PKP4: variants seen among roughly 807,000 people sequenced by gnomAD.
The protein encoded by PKP4 is plakophilin-4.
PKP4 carries 90 observed loss-of-function variants against 145.1 expected under a neutral mutation model. The ratio of observed to expected loss-of-function variants is 0.62; its 90% CI spans 0.52 to 0.74. The LOEUF (loss-of-function observed/expected upper bound fraction) is 0.74. PKP4 is among the 30% of genes least tolerant of loss of function. PKP4 has a pLI of 0.00. For missense variants in PKP4, 1,340 were observed against 1,482.7 expected (o/e 0.90, Z 1.58); for synonymous variants, 563 against 577.2 (o/e 0.98, Z 0.35).
chr2:158,602,595 T>G (rs543538234), intron 3 of PKP4, among the ~76,000 whole-genome samples: 1 of 152,244 alleles, frequency 6.6e-6, no homozygotes, highest in Non-Finnish European at 1.5e-5. Context: ...ATATTTTTGA[T>G]ATGAAGTTCT....
chr2:158,517,720 A>T (rs2042043557), intron 1 of PKP4, among the ~76,000 whole-genome samples: 1 of 151,840 alleles, frequency 6.6e-6, no homozygotes, highest in African/African-American at 2.4e-5. Flanking sequence ...ATTTGAGACC[A>T]ACCCTGGGCA....
At chr2:158,568,862 A>G (rs1389873669) in intron 2 of PKP4, among the ~76,000 whole-genome samples, 1 of 152,044 alleles carries the variant, frequency 6.6e-6, no homozygotes, top group African/African-American at 2.4e-5. Flanking sequence ...AATCCCAACT[A>G]CTCAGGAGGC....
intron 1 of PKP4, among the ~76,000 whole-genome samples, chr2:158,532,107 G>A (rs947713586): frequency 6.6e-6 from 1 of 152,124 alleles, no homozygotes; most frequent in African/African-American, 2.4e-5. Context: ...TGAGGGAATG[G>A]GGTAACAAGT....
intron 1 of PKP4, among the ~76,000 whole-genome samples, chr2:158,529,227 C>G (rs1399852337): frequency 6.6e-6 from 1 of 152,190 alleles, no homozygotes; most frequent in African/African-American, 2.4e-5. Flanking sequence ...AGTAATAATA[C>G]AGGTTAATAC....
chr2:158,661,776 A>C, intron 13 of PKP4: 1 of 219,234 alleles, frequency 4.6e-6, no homozygotes, highest in Admixed American at 5.4e-5. Context: ...TCAGTATTTG[A>C]GTATCTACTG....
intron 2 of PKP4, among the ~76,000 whole-genome samples, chr2:158,561,565 T>C (rs950626303): frequency 6.6e-6 from 1 of 152,236 alleles, no homozygotes; most frequent in African/African-American, 2.4e-5. Flanking sequence ...GTTTTGACCC[T>C]TCAGCTTGAA....
At chr2:158,600,213 T>C (rs1194748810) in intron 3 of PKP4, among the ~76,000 whole-genome samples, 2 of 152,254 alleles carry the variant, frequency 1.3e-5, no homozygotes, top group South Asian at 2.1e-4. Flanking sequence ...GATTTCATTC[T>C]AAATGATTAA....
At chr2:158,674,049 C>T (rs779975892) in intron 19 of PKP4, 49 bp downstream of exon 19, 38 of 987,732 alleles carry the variant, frequency 3.8e-5, no homozygotes, top group Admixed American at 3.4e-4. Flanking sequence ...TGTGACAGAA[C>T]ATTGTTCCCC....
In PKP4 at chr2:158,680,793, G is replaced by T; in HGVS notation, c.*116G>T. 1 of 966,804 alleles carries T rather than the reference G, an allele frequency of 1.0e-6. No homozygotes were observed. Among genetic ancestry groups the T allele is most frequent in the East Asian group, 2.4e-5 (1 of 40,974 alleles). The allele number at this position is 966,804 out of a possible 1,614,324, so 59.9% of individuals were successfully genotyped here. A position where few individuals can be genotyped will look rare whatever the true frequency, so the allele number is the denominator to read the frequency against. On this transcript the variant is annotated 3_prime_UTR_variant, in exon 22 of 22. Coordinates refer to ENST00000389759, the MANE Select transcript of PKP4 (RefSeq NM_003628.6). Reference sequence around the variant, plus strand: ...TGAAAGTGAAGTGGAAGGAATGAATGAAGTGTGTTTTTTTTTTCTTTTTTG... The same window carrying T: ...TGAAAGTGAAGTGGAAGGAATGAATTAAGTGTGTTTTTTTTTTCTTTTTTG...
At chr2:158,459,893 TA>T (rs1373802435) in intron 1 of PKP4, among the ~76,000 whole-genome samples, 3 of 152,236 alleles carry the variant, frequency 2.0e-5, no homozygotes, top group Non-Finnish European at 2.9e-5. Context: ...AAATGCTTTC[TA>T]TTTGTTACAG....
chr2:158,517,540 T>C (rs2042029982), intron 1 of PKP4, among the ~76,000 whole-genome samples: 1 of 152,190 alleles, frequency 6.6e-6, no homozygotes, highest in Non-Finnish European at 1.5e-5. Context: ...CTTTGTACTT[T>C]TACACCTGGT....
intron 1 of PKP4, among the ~76,000 whole-genome samples, chr2:158,476,062 T>A (rs146218353): frequency 6.6e-6 from 1 of 152,218 alleles, no homozygotes; most frequent in African/African-American, 2.4e-5. Flanking sequence ...AGAAACATCC[T>A]TATCTTTTTA....
intron 1 of PKP4, among the ~76,000 whole-genome samples, chr2:158,482,084 C>T (rs1693445244): frequency 6.6e-6 from 1 of 152,184 alleles, no homozygotes; most frequent in Non-Finnish European, 1.5e-5. Flanking sequence ...CCACTAGTCA[C>T]ATGTAGCTAT....
intron 1 of PKP4, among the ~76,000 whole-genome samples, chr2:158,519,904 A>G (rs753906072): frequency 1.3e-5 from 2 of 152,140 alleles, no homozygotes; most frequent in Admixed American, 6.5e-5. Context: ...CATTCCAGGT[A>G]TAACTCTGAA....
At chr2:158,636,370 G>T (rs761472907) in intron 9 of PKP4, among the ~76,000 whole-genome samples, 1 of 151,658 alleles carries the variant, frequency 6.6e-6, no homozygotes, top group Non-Finnish European at 1.5e-5. Context: ...TCAGATCTCC[G>T]TTGTTTCTGT....
At chr2:158,586,544 T>A (rs1350386114) in intron 3 of PKP4, among the ~76,000 whole-genome samples, 2 of 152,242 alleles carry the variant, frequency 1.3e-5, no homozygotes, top group African/African-American at 4.8e-5. Flanking sequence ...CTGTTTAATA[T>A]CTGAATATAA....
intron 1 of PKP4, among the ~76,000 whole-genome samples, chr2:158,507,096 G>A (rs1285083899): frequency 1.3e-5 from 2 of 152,154 alleles, no homozygotes; most frequent in African/African-American, 4.8e-5. Context: ...TCTTTCTTTT[G>A]CTTTGAAGGC....
intron 1 of PKP4, among the ~76,000 whole-genome samples, chr2:158,531,502 C>T (rs2111877): frequency 0.11 from 16,605 of 151,870 alleles, 1,177 homozygotes; most frequent in Non-Finnish European, 0.15. Flanking sequence ...GCATTTTTTT[C>T]CTTTATAGAC....
intron 11 of PKP4, among the ~76,000 whole-genome samples, chr2:158,649,610 A>G (rs778493390): frequency 2.2e-4 from 33 of 152,146 alleles, no homozygotes; most frequent in Non-Finnish European, 7.3e-5. Context: ...AAAAGATTCA[A>G]CCCTCTAAGT....
Sources: gnomAD v4.1 joint callset for allele counts (sites outside exome capture counted in the v4.1 genomes callset) on GRCh38, gnomAD v4.1.1 for gene constraint, MANE v1.5 for transcripts, NCBI Gene and HGNC (gene_info 2026-07-23, HGNC 2026-07-21) for gene names.